MRTFB: variants seen among roughly 807,000 people sequenced by gnomAD.
MRTFB encodes myocardin-related transcription factor B.
Under a neutral mutation model 104.2 loss-of-function variants are expected in MRTFB, and 29 were observed. The ratio of observed to expected loss-of-function variants is 0.28; its 90% CI spans 0.21 to 0.38. The LOEUF (loss-of-function observed/expected upper bound fraction) is 0.38, where lower values mean the gene tolerates loss of function less well. MRTFB is among the 10% of genes least tolerant of loss of function. MRTFB has a pLI of 1.00. For synonymous variants in MRTFB, 535 were observed against 519.5 expected, an observed-to-expected ratio of 1.03 and a Z score of -0.41; for missense variants, 1,270 against 1,341.6, an observed-to-expected ratio of 0.95 and a Z score of 0.83.
intron 3 of MRTFB, chr16:14,143,593 G>T (rs2038135471): frequency 6.7e-6 from 1 of 149,218 alleles, no homozygotes; most frequent in Non-Finnish European, 1.5e-5. Context: ...CATGCGCCAT[G>T]TTGGTGTGCT....
chr16:14,163,472 C>A (rs1261837488), intron 3 of MRTFB, among the ~76,000 whole-genome samples: 1 of 152,142 alleles, frequency 6.6e-6, no homozygotes, highest in Non-Finnish European at 1.5e-5. Context: ...TAATATTGCT[C>A]ACTGGAAGAT....
At chr16:14,118,665 G>T (rs1400062404) in intron 2 of MRTFB, among the ~76,000 whole-genome samples, 1 of 151,572 alleles carries the variant, frequency 6.6e-6, no homozygotes, top group Non-Finnish European at 1.5e-5. Flanking sequence ...AGCCTGGTGT[G>T]GTGGTGCATG....
intron 3 of MRTFB, among the ~76,000 whole-genome samples, chr16:14,161,961 G>T (rs185324792): frequency 6.6e-5 from 10 of 151,960 alleles, no homozygotes; most frequent in Admixed American, 5.9e-4. Context: ...TTCTACCCTG[G>T]GTGTCAGAAT....
At chr16:14,213,452 C>T (rs897695303) in intron 5 of MRTFB, 93 bp from the exon 6 acceptor site, 7 of 808,494 alleles carry the variant, frequency 8.7e-6, no homozygotes, top group South Asian at 7.2e-5. Context: ...TGACCATAAG[C>T]GTATCGTTTA....
the MRTFB span, among the ~76,000 whole-genome samples, chr16:14,026,798 G>T: frequency 4.6e-5 from 7 of 152,178 alleles, no homozygotes; most frequent in Non-Finnish European, 2.9e-5. Context: ...CACATGGAAA[G>T]ATGTTCAACA....
At chr16:14,047,914 C>A in the MRTFB span, among the ~76,000 whole-genome samples, 3 of 152,152 alleles carry the variant, frequency 2.0e-5, no homozygotes, top group Admixed American at 1.3e-4. Flanking sequence ...CAACCGTCCC[C>A]CAAAGTCTTA....
intron 16 of MRTFB, among the ~76,000 whole-genome samples, chr16:14,259,882 A>G (rs1294070887): frequency 6.6e-6 from 1 of 152,274 alleles, no homozygotes; most frequent in African/African-American, 2.4e-5. Flanking sequence ...AATGCAGTAC[A>G]CACAGTTGAC....
chr16:14,232,042 G>C (rs950725293), intron 8 of MRTFB, among the ~76,000 whole-genome samples: 9 of 152,166 alleles, frequency 5.9e-5, no homozygotes, highest in Non-Finnish European at 1.2e-4. Context: ...ATTTAGGCAA[G>C]ACATCATAAA....
At chr16:14,127,216 C>T (rs999762556) in intron 2 of MRTFB, among the ~76,000 whole-genome samples, 2 of 152,110 alleles carry the variant, frequency 1.3e-5, no homozygotes, top group Non-Finnish European at 2.9e-5. Flanking sequence ...TAATCAGTTA[C>T]TAAGATGAAT....
chr16:14,132,247 A>G (rs1269737070), intron 2 of MRTFB, among the ~76,000 whole-genome samples: 1 of 152,174 alleles, frequency 6.6e-6, no homozygotes, highest in Non-Finnish European at 1.5e-5. Context: ...GACAGAAAGT[A>G]GATTAGTGGT....
At chr16:14,147,691 A>AGCAAC (rs2142730476) in intron 3 of MRTFB, among the ~76,000 whole-genome samples, 1 of 152,310 alleles carries the variant, frequency 6.6e-6, no homozygotes, top group Non-Finnish European at 1.5e-5. Flanking sequence ...GAATGCTAAC[A>AGCAAC]TGGGCTTGCT....
At chr16:14,258,777 C>G (rs1352593568) in intron 16 of MRTFB, among the ~76,000 whole-genome samples, 1 of 152,158 alleles carries the variant, frequency 6.6e-6, no homozygotes, top group Non-Finnish European at 1.5e-5. Flanking sequence ...AATTCAAAGT[C>G]AATGCTAAAG....
intron 3 of MRTFB, chr16:14,201,057 A>T (rs761262290): frequency 1.3e-6 from 2 of 1,481,628 alleles, no homozygotes; most frequent in African/African-American, 2.8e-5. Flanking sequence ...AGCTTAGTCC[A>T]TGTTGCAACG....
chr16:14,199,932 C>G (rs1435706036), intron 3 of MRTFB: 1 of 208,936 alleles, frequency 4.8e-6, no homozygotes, highest in East Asian at 1.2e-4. Context: ...GACATGATAT[C>G]ACTAGTACCC....
chr16:14,255,063 C>T (rs2043420902), intron 15 of MRTFB, among the ~76,000 whole-genome samples: 1 of 152,092 alleles, frequency 6.6e-6, no homozygotes, highest in South Asian at 2.1e-4. Flanking sequence ...ATGGAGATGG[C>T]AGGGGAAAAA....
At chr16:14,035,855 T>A in the MRTFB span, among the ~76,000 whole-genome samples, 2 of 151,778 alleles carry the variant, frequency 1.3e-5, no homozygotes, top group Non-Finnish European at 2.9e-5. Context: ...ACCCAATTTG[T>A]AGTCTTTTAT....
At chr16:14,071,182 G>C (rs2033658779), upstream of MRTFB, 1 of 152,958 alleles carries the variant, frequency 6.5e-6, no homozygotes, top group Middle Eastern at 3.1e-3. Flanking sequence ...GGAGTCGGGG[G>C]CGAGCAGCGA....
At chr16:14,156,593 T>G (rs188121289) in intron 3 of MRTFB, among the ~76,000 whole-genome samples, 51 of 152,322 alleles carry the variant, frequency 3.3e-4, no homozygotes, top group Non-Finnish European at 2.9e-5. Flanking sequence ...GATAATGGCA[T>G]GGTCATTCCA....
At chr16:14,051,793 T>G in the MRTFB span, among the ~76,000 whole-genome samples, 3 of 152,236 alleles carry the variant, frequency 2.0e-5, no homozygotes, top group Non-Finnish European at 2.9e-5. Context: ...TGGGTATCTT[T>G]CTTCAGAATC....
Sources: gnomAD v4.1 joint callset for allele counts (sites outside exome capture counted in the v4.1 genomes callset) on GRCh38, gnomAD v4.1.1 for gene constraint, MANE v1.5 for transcripts, NCBI Gene and HGNC (gene_info 2026-07-23, HGNC 2026-07-21) for gene names.